Variants in ATP8A2 observed in about 807,000 individuals in gnomAD.
ATP8A2 encodes the protein ATPase phospholipid transporting 8A2.
In ATP8A2, 100 loss-of-function variants were observed where a neutral mutation model predicts 165.6. The observed-to-expected ratio is 0.60, with a 90% confidence interval of 0.51 to 0.71. The LOEUF (loss-of-function observed/expected upper bound fraction) is 0.71, where lower values mean the gene tolerates loss of function less well. Among genes scored for constraint, ATP8A2 ranks in the 30% least tolerant of loss-of-function variants. ATP8A2 has a pLI of 0.00. For synonymous variants in ATP8A2, 543 were observed against 548.8 expected (o/e 0.99, Z 0.15); for missense variants, 1,227 against 1,479.5 (o/e 0.83, Z 2.80).
chr13:25,993,671 T>C (rs1054162879), intron 35 of ATP8A2, among the ~76,000 whole-genome samples: 2 of 152,206 alleles, frequency 1.3e-5, no homozygotes, highest in Non-Finnish European at 2.9e-5. Flanking sequence ...TGTGAGCCTG[T>C]TTTTTGTTTC....
intron 30 of ATP8A2, among the ~76,000 whole-genome samples, chr13:25,844,064 G>A (rs1247701743): frequency 6.6e-6 from 1 of 152,108 alleles, no homozygotes; most frequent in African/African-American, 2.4e-5. Flanking sequence ...AGCCACTGAG[G>A]CCATGGGAAT....
chr13:25,901,672 C>T lies in ATP8A2; in HGVS notation c.3183+39264C>T, dbSNP rs566391397. Among the ~76,000 whole-genome samples the T allele has an allele frequency of 2.1e-3, 324 of 152,142 alleles. 2 individuals carry two copies. Among genetic ancestry groups the T allele is most frequent in the African/African-American group, 7.4e-3 (308 of 41,484 alleles). ...GTTTCTGAGACATGCTTAAAATTGG[C>T]GCTGATAACAAAGAAACTACTATGA... On this transcript the variant is annotated intron_variant, in intron 33 of 36. Coordinates refer to ENST00000381655, the MANE Select transcript of ATP8A2 (RefSeq NM_016529.6).
At chr13:25,995,692 A>G (rs9578949) in intron 35 of ATP8A2, among the ~76,000 whole-genome samples, 91,855 of 151,692 alleles carry the variant, frequency 0.61, 28,113 homozygotes, top group East Asian at 0.81. Flanking sequence ...AGTTTGTTTT[A>G]TGGCCCAGAA....
intron 33 of ATP8A2, among the ~76,000 whole-genome samples, chr13:25,904,848 A>T (rs1261339942): frequency 6.6e-6 from 1 of 152,266 alleles, no homozygotes; most frequent in East Asian, 1.9e-4. Context: ...ACATTCAGCG[A>T]ATAATCACAT....
intron 33 of ATP8A2, among the ~76,000 whole-genome samples, chr13:25,932,791 T>G (rs1217432355): frequency 6.6e-6 from 1 of 152,226 alleles, no homozygotes; most frequent in Non-Finnish European, 1.5e-5. Context: ...CAAATTTCAC[T>G]TTTCATCTTC....
chr13:25,441,579 G>A (rs967091152), intron 1 of ATP8A2, among the ~76,000 whole-genome samples: 7 of 152,046 alleles, frequency 4.6e-5, no homozygotes, highest in Non-Finnish European at 7.4e-5. Context: ...TCAGGTTTTT[G>A]CAATCTAGAT....
intron 24 of ATP8A2, among the ~76,000 whole-genome samples, chr13:25,630,133 G>T (rs1016207658): frequency 1.1e-4 from 16 of 152,026 alleles, no homozygotes; most frequent in African/African-American, 3.4e-4. Flanking sequence ...CTCAAATTTT[G>T]TGTGCTTGCT....
intron 1 of ATP8A2, among the ~76,000 whole-genome samples, chr13:25,397,905 G>C (rs1924778): frequency 6.6e-6 from 1 of 151,968 alleles, no homozygotes; most frequent in Admixed American, 6.5e-5. Flanking sequence ...TTGGTTGAAA[G>C]AGTTCAGCTT....
At chr13:25,634,708 T>A (rs1240580633) in intron 24 of ATP8A2, among the ~76,000 whole-genome samples, 1 of 152,192 alleles carries the variant, frequency 6.6e-6, no homozygotes, top group Non-Finnish European at 1.5e-5. Context: ...TTTTAGTTTT[T>A]GAAATTAAAA....
intron 27 of ATP8A2, among the ~76,000 whole-genome samples, chr13:25,780,874 C>T (rs561768633): frequency 6.6e-6 from 1 of 152,274 alleles, no homozygotes; most frequent in African/African-American, 2.4e-5. Flanking sequence ...GCTATGTGGT[C>T]GGGTTTGCAA....
intron 23 of ATP8A2, among the ~76,000 whole-genome samples, chr13:25,582,699 C>A (rs1256257953): frequency 1.3e-5 from 2 of 152,126 alleles, no homozygotes; most frequent in Non-Finnish European, 2.9e-5. Flanking sequence ...TAGGAAGAAA[C>A]CTGCTAGAGC....
chr13:25,698,040 T>C (rs1566057978), intron 24 of ATP8A2, among the ~76,000 whole-genome samples: 1 of 152,194 alleles, frequency 6.6e-6, no homozygotes, highest in Non-Finnish European at 1.5e-5. Flanking sequence ...ATTTACCTTA[T>C]CATATAATAA....
chr13:25,626,407 T>A (rs575743495), intron 24 of ATP8A2, among the ~76,000 whole-genome samples: 1 of 152,284 alleles, frequency 6.6e-6, no homozygotes, highest in East Asian at 1.9e-4. Flanking sequence ...TCTGTACATC[T>A]TCTTTTAAAG....
At chr13:25,923,361 G>A (rs1954514866) in intron 33 of ATP8A2, among the ~76,000 whole-genome samples, 1 of 152,174 alleles carries the variant, frequency 6.6e-6, no homozygotes, top group South Asian at 2.1e-4. Context: ...AGACATTTGG[G>A]ACAGAAAGGG....
chr13:25,476,316 C>T (rs2035993870), intron 2 of ATP8A2, among the ~76,000 whole-genome samples: 1 of 151,094 alleles, frequency 6.6e-6, no homozygotes, highest in Non-Finnish European at 1.5e-5. Flanking sequence ...GATGGAGTCT[C>T]ACTCTATTGG....
intron 24 of ATP8A2, among the ~76,000 whole-genome samples, chr13:25,668,675 T>C (rs1475380329): frequency 6.6e-6 from 1 of 152,196 alleles, no homozygotes; most frequent in Non-Finnish European, 1.5e-5. Flanking sequence ...TTGGTATGCT[T>C]GATAGTATAC....
At chr13:25,690,288 C>T (rs903499054) in intron 24 of ATP8A2, among the ~76,000 whole-genome samples, 3 of 152,236 alleles carry the variant, frequency 2.0e-5, no homozygotes, top group East Asian at 3.9e-4. Flanking sequence ...TCATTAACAG[C>T]ATGGCCAGTT....
chr13:25,919,688 T>C (rs1341890647), intron 33 of ATP8A2, among the ~76,000 whole-genome samples: 2 of 152,178 alleles, frequency 1.3e-5, no homozygotes, highest in African/African-American at 4.8e-5. Flanking sequence ...TAGTCTCACC[T>C]GAGTCGGCAG....
At chr13:25,700,816 C>T (rs2042936383) in intron 25 of ATP8A2, among the ~76,000 whole-genome samples, 1 of 152,194 alleles carries the variant, frequency 6.6e-6, no homozygotes, top group Non-Finnish European at 1.5e-5. Context: ...TTTCTGTTCC[C>T]ACTGGCAATA....
Sources: gnomAD v4.1 joint callset for allele counts (sites outside exome capture counted in the v4.1 genomes callset) on GRCh38, gnomAD v4.1.1 for gene constraint, MANE v1.5 for transcripts, NCBI Gene and HGNC (gene_info 2026-07-23, HGNC 2026-07-21) for gene names.